KNG1: variants seen among roughly 807,000 people sequenced by gnomAD.
The protein encoded by KNG1 is kininogen-1.
Under a neutral mutation model 47.8 loss-of-function variants are expected in KNG1, and 23 were observed. That is an observed-to-expected ratio of 0.48 (90% CI 0.35 to 0.68). KNG1 has a LOEUF of 0.68. Ranked by LOEUF, KNG1 falls within the 30% of genes least tolerant of loss-of-function variation. The pLI, the probability that KNG1 is intolerant of heterozygous loss-of-function variation, is 0.01. For synonymous variants in KNG1, 277 were observed against 277.0 expected, an observed-to-expected ratio of 1.00 and a Z score of 0.00; for missense variants, 762 against 790.2, an observed-to-expected ratio of 0.96 and a Z score of 0.43.
intron 6 of KNG1, 112 bp from the exon 7 acceptor site, chr3:186,732,390 T>G (rs1720558247): frequency 3.1e-6 from 3 of 968,440 alleles, no homozygotes; most frequent in Non-Finnish European, 5.0e-6. Flanking sequence ...CTACTGGGCC[T>G]GGGCTCCCAT....
At chr3:186,722,167 C>A (rs959974852) in intron 2 of KNG1, 5 of 293,276 alleles carry the variant, frequency 1.7e-5, no homozygotes, top group Admixed American at 1.5e-4. Context: ...AAAAGAAATA[C>A]CCTCCAGGGC....
chr3:186,738,311 G>A (rs1300975883), intron 7 of KNG1: 1 of 151,998 alleles, frequency 6.6e-6, no homozygotes, highest in Admixed American at 6.6e-5. Context: ...AATAGTAAGA[G>A]AACAATAAAA....
At chr3:186,734,997 C>G (rs1464858593) in intron 7 of KNG1, among the ~76,000 whole-genome samples, 2 of 152,164 alleles carry the variant, frequency 1.3e-5, no homozygotes, top group East Asian at 3.9e-4. Context: ...TTTGATCTCT[C>G]TGCTACTTGA....
chr3:186,727,281 A>C lies in KNG1; in HGVS notation c.609A>C (p.Gln203His), dbSNP rs1560064408. The C allele has an allele frequency of 6.2e-7, 1 of 1,614,050 alleles. No individual in the cohort carries two copies. Among genetic ancestry groups the C allele is most frequent in the Non-Finnish European group, 8.5e-7 (1 of 1,179,928 alleles). Residue 203 changes from glutamine (Q) to histidine (H), a missense_variant, in exon 5 of 10, where the codon CAA becomes CAC. Transcript: ENST00000644859. ...TTCGAATTACCTACTCAATTGTGCA[A>C]ACGAATTGTTCCAAAGAGAATTTTC... ...LNFRITYSIV[Q>H]TNCSKENFLF...
At chr3:186,719,195 T>C (rs567965033) in intron 1 of KNG1, among the ~76,000 whole-genome samples, 1 of 152,206 alleles carries the variant, frequency 6.6e-6, no homozygotes, top group Non-Finnish European at 1.5e-5. Context: ...GGTATGGTTG[T>C]AAATATACTA....
At chr3:186,739,808 T>G (rs1393759181) in intron 9 of KNG1, among the ~76,000 whole-genome samples, 1 of 152,092 alleles carries the variant, frequency 6.6e-6, no homozygotes, top group East Asian at 1.9e-4. Context: ...TCCCAGCACT[T>G]TGGGAGGCTG....
chr3:186,732,558 C>A lies in KNG1; in HGVS notation c.814C>A (p.Pro272Thr), dbSNP rs1425993050. ...KICVGCPRDI[P>T]TNSPELEETL... ...TTGCGTGGGCTGCCCCAGAGATATA[C>A]CCACCAACAGCCCAGAGCTGGAGGA... The change falls in exon 7 of 10, where the codon CCC (proline) becomes ACC (threonine). Residue 272 changes from proline (P) to threonine (T), a missense_variant. Coordinates refer to ENST00000644859, the MANE Select transcript of KNG1 (RefSeq NM_001102416.3). The A allele has an allele frequency of 1.2e-6, 2 of 1,614,120 alleles. No homozygotes were observed. Among genetic ancestry groups the A allele is most frequent in the Non-Finnish European group, 1.7e-6 (2 of 1,179,974 alleles).
chr3:186,724,016 T>C (rs1173694710), intron 3 of KNG1, among the ~76,000 whole-genome samples: 1 of 152,194 alleles, frequency 6.6e-6, no homozygotes, highest in African/African-American at 2.4e-5. Context: ...ATATCTTTGC[T>C]ATTGTGAATA....
At chr3:186,720,342 T>G (rs1360332538) in intron 2 of KNG1, 127 bp downstream of exon 2, 2 of 715,244 alleles carry the variant, frequency 2.8e-6, no homozygotes, top group South Asian at 1.5e-5. Flanking sequence ...CATTCCAATG[T>G]GTAGAAAAGT....
chr3:186,735,179 G>A lies in KNG1; in HGVS notation c.930+2505G>A, dbSNP rs186680511. On this transcript the variant is annotated intron_variant, in intron 7 of 9. Transcript: ENST00000644859. ...TGTGAAATTATTTTATTCTTTTTTC[G>A]TTGTTGTTTTTTAAGAGAGACGCGG... Among the ~76,000 whole-genome samples, 84 of 151,846 alleles carry A rather than the reference G, an allele frequency of 5.5e-4. 1 individual carries two copies. Among genetic ancestry groups the A allele is most frequent in the Middle Eastern group, 6.8e-3 (2 of 294 alleles).
intron 5 of KNG1, among the ~76,000 whole-genome samples, chr3:186,730,633 G>A (rs1213511794): frequency 5.4e-4 from 69 of 127,920 alleles, no homozygotes; most frequent in African/African-American, 2.0e-3. Context: ...TCCAGCCTTG[G>A]CGACAAAGAG....
Position 186,743,091 on chromosome 3 carries a change from C to A in KNG1, c.*760C>A. On this transcript the variant is annotated 3_prime_UTR_variant, in exon 10 of 10. Coordinates refer to ENST00000644859, the MANE Select transcript of KNG1 (RefSeq NM_001102416.3). ...CTCATAAGTCAAAAATTTCTGTTTA[C>A]TCATTAACTACTCTTTGCAACAGGC... 3.8e-6 allele frequency: 1 copy of A among 260,720 alleles called. No homozygotes were observed. Among genetic ancestry groups the A allele is most frequent in the Non-Finnish European group, 6.0e-6 (1 of 167,588 alleles). The allele number at this position is 260,720 out of a possible 1,614,324, so 16.2% of individuals were successfully genotyped here.
rs1720887722 is a variant in KNG1, at chr3:186,744,401, G to A, written c.*2070G>A. On this transcript the variant is annotated 3_prime_UTR_variant, in exon 10 of 10. Coordinates refer to ENST00000644859, the MANE Select transcript of KNG1 (RefSeq NM_001102416.3). Reference sequence around the variant, plus strand: ...AAATTGAAAATCAATAAAGTAAAAAGTGACGGAGATTTTAAATTTTCTGTA... The same window carrying A: ...AAATTGAAAATCAATAAAGTAAAAAATGACGGAGATTTTAAATTTTCTGTA... The A allele has an allele frequency of 3.9e-5, 6 of 153,308 alleles. No homozygotes were observed. The highest frequency in any genetic ancestry group is 3.9e-4 in the Admixed American group (6 of 15,478). 9.5% of individuals were successfully genotyped at this position (153,308 alleles called of 1,614,324 possible). A position where few individuals can be genotyped will look rare whatever the true frequency, so the allele number is the denominator to read the frequency against.
Position 186,741,653 on chromosome 3 carries a change from A to G in KNG1, c.1257A>G (p.Ser419=). The change falls in exon 10 of 10, where the codon TCA becomes TCG. Residue 419 remains serine (S), a synonymous_variant. Transcript: ENST00000644859. ...MAPAQDEERD[S]GKEQGHTRRH... ...CTGCACAAGATGAAGAGCGGGATTC[A>G]GGAAAAGAACAAGGGCATACTCGTA... The G allele has an allele frequency of 6.2e-7, 1 of 1,614,216 alleles. No homozygotes were observed. The highest frequency in any genetic ancestry group is 1.1e-5 in the South Asian group (1 of 91,068).
intron 2 of KNG1, among the ~76,000 whole-genome samples, chr3:186,720,805 T>TTTTTTTAG (rs1553790786): frequency 7.1e-6 from 1 of 139,986 alleles, no homozygotes; most frequent in African/African-American, 2.8e-5. Context: ...TTTTTTTTTT[T>TTTTTTTAG]TTGAGCCAGA....
intron 7 of KNG1, chr3:186,734,666 C>A (rs5030059): frequency 6.6e-6 from 1 of 151,530 alleles, no homozygotes; most frequent in Non-Finnish European, 1.5e-5. Flanking sequence ...TACTTTTGCA[C>A]CAACCTAATA....
Position 186,720,209 on chromosome 3 carries a change from A to G in KNG1, c.300A>G (p.Ala100=), listed in dbSNP as rs1164157770. The G allele has an allele frequency of 3.1e-6, 5 of 1,606,198 alleles. No individual in the cohort carries two copies. The African/African-American group carries it at 4.0e-5, about 13-fold the overall frequency. Reference sequence around the variant, plus strand: ...AGGACTGTGAGTACAAGGATGCTGCAAAAGCAGTAAGTGTATTGGCCATTC... The same window carrying G: ...AGGACTGTGAGTACAAGGATGCTGCGAAAGCAGTAAGTGTATTGGCCATTC... The part of the protein sequence containing the change: ...TWQDCEYKDA[A]KAATGECTAT... The change falls in exon 2 of 10, where the codon GCA becomes GCG. Residue 100 remains alanine, a synonymous_variant. Coordinates refer to ENST00000644859, the MANE Select transcript of KNG1 (RefSeq NM_001102416.3).
At chr3:186,725,061 CTG>C in intron 3 of KNG1, 25 bp from the exon 4 acceptor site, 1 of 1,612,990 alleles carries the variant, frequency 6.2e-7, no homozygotes, top group Non-Finnish European at 8.5e-7. Flanking sequence ...ATCATTAATG[CTG>C]TGTTTTTGTC....
chr3:186,730,655 C>CAAAAAA (rs869232105), intron 5 of KNG1, among the ~76,000 whole-genome samples: 11 of 80,118 alleles, frequency 1.4e-4, no homozygotes, highest in East Asian at 4.3e-4. Context: ...GACTCCATCA[C>CAAAAAA]AAAAAAAAAA....
Sources: gnomAD v4.1 joint callset for allele counts (sites outside exome capture counted in the v4.1 genomes callset) on GRCh38, gnomAD v4.1.1 for gene constraint, MANE v1.5 for transcripts, NCBI Gene and HGNC (gene_info 2026-07-23, HGNC 2026-07-21) for gene names.